The following NTRK3 variants were observed in gnomAD, a reference collection of about 807,000 sequenced individuals.
The protein encoded by NTRK3 is neurotrophic receptor tyrosine kinase 3.
A neutral mutation model predicts 91.7 loss-of-function variants in NTRK3; 24 were observed. The ratio of observed to expected loss-of-function variants is 0.26; its 90% CI spans 0.19 to 0.37. NTRK3 has a LOEUF of 0.37. Ranked by LOEUF, NTRK3 falls within the 10% of genes least tolerant of loss-of-function variation. The pLI, the probability that NTRK3 is intolerant of heterozygous loss-of-function variation, is 1.00. For synonymous variants in NTRK3, 483 were observed against 404.0 expected (o/e 1.20, Z -2.34); for missense variants, 880 against 1,068.9 (o/e 0.82, Z 2.46).
intron 13 of NTRK3, among the ~76,000 whole-genome samples, chr15:88,119,173 C>T (rs937597370): frequency 6.6e-6 from 1 of 152,198 alleles, no homozygotes; most frequent in Non-Finnish European, 1.5e-5. Context: ...CACTGCACCC[C>T]TGCAAAGCTC....
chr15:88,037,805 C>T (rs1015402937), intron 13 of NTRK3, among the ~76,000 whole-genome samples: 2 of 152,180 alleles, frequency 1.3e-5, no homozygotes, highest in Non-Finnish European at 2.9e-5. Flanking sequence ...ACTTCCTACA[C>T]ATCAGGCTCT....
intron 17 of NTRK3, among the ~76,000 whole-genome samples, chr15:87,896,912 T>G (rs2066159126): frequency 6.6e-6 from 1 of 152,206 alleles, no homozygotes; most frequent in Non-Finnish European, 1.5e-5. Context: ...ACAAACTGAA[T>G]ATCTCAGCCC....
chr15:88,065,481 G>C (rs2046571094), intron 13 of NTRK3, among the ~76,000 whole-genome samples: 1 of 152,078 alleles, frequency 6.6e-6, no homozygotes, highest in Non-Finnish European at 1.5e-5. Flanking sequence ...CATTCTCTGG[G>C]ACACCCTCCC....
intron 14 of NTRK3, among the ~76,000 whole-genome samples, chr15:88,009,543 C>G (rs1401851555): frequency 6.6e-6 from 1 of 152,152 alleles, no homozygotes; most frequent in South Asian, 2.1e-4. Flanking sequence ...TTTGTGTGAA[C>G]CTTGTCAAGT....
At chr15:88,250,641 A>C (rs948970192) in intron 3 of NTRK3, among the ~76,000 whole-genome samples, 32 of 151,968 alleles carry the variant, frequency 2.1e-4, no homozygotes, top group African/African-American at 6.8e-4. Context: ...CCCCCTATTA[A>C]TCAACCGTTC....
exon 19 of NTRK3, chr15:87,866,504 TAC>T (rs1183517452): frequency 5.9e-6 from 1 of 168,790 alleles, no homozygotes; most frequent in Admixed American, 6.5e-5. Flanking sequence ...TAATCATATA[TAC>T]ATGGGATTAT....
intron 14 of NTRK3, among the ~76,000 whole-genome samples, chr15:87,942,241 GC>G: frequency 6.6e-6 from 1 of 152,336 alleles, no homozygotes; most frequent in East Asian, 1.9e-4. Flanking sequence ...GGACAGACCT[GC>G]ACGTTAACAG....
intron 3 of NTRK3, among the ~76,000 whole-genome samples, chr15:88,218,368 C>G (rs1302104677): frequency 2.0e-5 from 3 of 152,202 alleles, no homozygotes; most frequent in Non-Finnish European, 4.4e-5. Flanking sequence ...GGATGTCAAC[C>G]TTGCCTCTAC....
chr15:87,977,888 G>A (rs1429086302), intron 14 of NTRK3: 4 of 232,592 alleles, frequency 1.7e-5, no homozygotes, highest in Non-Finnish European at 2.5e-5. Context: ...CAAACTCCCA[G>A]TTAAATTTGC....
intron 14 of NTRK3, among the ~76,000 whole-genome samples, chr15:88,026,965 G>C (rs1339859640): frequency 1.3e-5 from 2 of 152,158 alleles, no homozygotes. Flanking sequence ...TGACTTCAGA[G>C]GCCTTCAGCC....
At chr15:88,205,503 G>C (rs1330253141) in intron 3 of NTRK3, among the ~76,000 whole-genome samples, 1 of 152,110 alleles carries the variant, frequency 6.6e-6, no homozygotes, top group East Asian at 1.9e-4. Flanking sequence ...TCTCTTCCTA[G>C]GAGGCTACAA....
chr15:87,931,653 G>T (rs1465417712), intron 16 of NTRK3, among the ~76,000 whole-genome samples: 1 of 152,200 alleles, frequency 6.6e-6, no homozygotes, highest in Non-Finnish European at 1.5e-5. Flanking sequence ...ATTTCATTGT[G>T]AATCCAGGTT....
intron 14 of NTRK3, among the ~76,000 whole-genome samples, chr15:87,948,159 T>C (rs556689936): frequency 3.9e-5 from 6 of 152,304 alleles, no homozygotes; most frequent in African/African-American, 1.2e-4. Flanking sequence ...ACAGGCCCTT[T>C]GTAGGGGTCT....
At chr15:88,129,900 A>G (rs1305499787) in intron 10 of NTRK3, among the ~76,000 whole-genome samples, 1 of 152,234 alleles carries the variant, frequency 6.6e-6, no homozygotes, top group African/African-American at 2.4e-5. Flanking sequence ...AAGATGTATT[A>G]AAGTTAAAAT....
chr15:87,873,513 C>T (rs934575442), exon 19 of NTRK3: 16 of 231,736 alleles, frequency 6.9e-5, no homozygotes, highest in African/African-American at 3.3e-4. Flanking sequence ...GAGAGACCAG[C>T]CTGGGTGCCC....
chr15:87,933,104 G>A (rs1297235291), exon 16 of NTRK3: 2 of 1,614,092 alleles, frequency 1.2e-6, no homozygotes, highest in Admixed American at 1.7e-5. Flanking sequence ...ACTTGACAAT[G>A]TGCTCATGCT....
At chr15:88,019,706 G>A (rs2077473892) in intron 14 of NTRK3, among the ~76,000 whole-genome samples, 1 of 152,196 alleles carries the variant, frequency 6.6e-6, no homozygotes, top group African/African-American at 2.4e-5. Flanking sequence ...TTGTAGCCAT[G>A]AGAGAAGTTA....
chr15:87,880,960 C>T (rs2065210572), intron 17 of NTRK3, among the ~76,000 whole-genome samples: 1 of 152,296 alleles, frequency 6.6e-6, no homozygotes, highest in Non-Finnish European at 1.5e-5. Flanking sequence ...ATTCCAAAAG[C>T]GTGGAAGACC....
intron 17 of NTRK3, among the ~76,000 whole-genome samples, chr15:87,915,405 T>G (rs2067377443): frequency 6.6e-6 from 1 of 152,174 alleles, no homozygotes; most frequent in African/African-American, 2.4e-5. Flanking sequence ...TCTGAAGACC[T>G]TTGTCTACTG....
Sources: allele counts gnomAD v4.1 joint callset (sites outside exome capture counted in the v4.1 genomes callset), GRCh38; gene constraint gnomAD v4.1.1; transcripts MANE v1.5; gene names NCBI Gene and HGNC (gene_info 2026-07-23, HGNC 2026-07-21).